FGFR2: variants seen among roughly 807,000 people sequenced by gnomAD.
The protein encoded by FGFR2 is fibroblast growth factor receptor 2.
Under a neutral mutation model 95.9 loss-of-function variants are expected in FGFR2, and 19 were observed. The ratio of observed to expected loss-of-function variants is 0.20; its 90% confidence interval spans 0.14 to 0.29. The LOEUF is 0.29. FGFR2 is among the 10% of genes least tolerant of loss of function. The pLI, the probability that FGFR2 is intolerant of heterozygous loss-of-function variation, is 1.00. For missense variants in FGFR2, 707 were observed against 1,056.9 expected, an observed-to-expected ratio of 0.67 and a Z score of 4.59; for synonymous variants, 392 against 393.3, an observed-to-expected ratio of 1.00 and a Z score of 0.04.
intron 4 of FGFR2, among the ~76,000 whole-genome samples, chr10:121,553,081 C>T (rs1271019256): frequency 3.3e-5 from 5 of 152,292 alleles, no homozygotes; most frequent in East Asian, 3.9e-4. Context: ...TTAGCCTTCA[C>T]GCTTGCTCTT....
intron 4 of FGFR2, among the ~76,000 whole-genome samples, chr10:121,562,315 C>CT (rs1857101248): frequency 1.3e-5 from 2 of 151,114 alleles, no homozygotes; most frequent in African/African-American, 4.9e-5. Flanking sequence ...GAGTCTCACT[C>CT]TGTCACCCAG....
rs1028883183 is a variant in FGFR2 at position 121,597,950 on chromosome 10, C to A, written c.-151+12G>T. 7.7e-6 allele frequency: 3 copies of A among 391,968 alleles called. No individual in the cohort carries two copies. The highest frequency in any genetic ancestry group is 2.1e-5 in the African/African-American group (1 of 48,498). 24.3% of individuals were successfully genotyped at this position (391,968 alleles called of 1,614,324 possible). ...TGGCGAAGCTCCCCGAGGCGTCTTG[C>A]GCGGCGATTACCTTGAATGGCAACG... On this transcript the variant is annotated intron_variant, in intron 1 of 17. Transcript: ENST00000358487.
chr10:121,551,130 G>C (rs1855337126), intron 5 of FGFR2, among the ~76,000 whole-genome samples, 160 bp downstream of exon 5: 1 of 152,060 alleles, frequency 6.6e-6, no homozygotes. Context: ...TGAGGCAGGA[G>C]AATCGCTTGA....
chr10:121,575,669 A>G (rs947188242), intron 2 of FGFR2, among the ~76,000 whole-genome samples: 1 of 151,600 alleles, frequency 6.6e-6, no homozygotes, highest in Non-Finnish European at 1.5e-5. Context: ...AGCCTGGCCA[A>G]CATGGTGAAA....
intron 2 of FGFR2, among the ~76,000 whole-genome samples, chr10:121,566,724 T>A (rs1042038652): frequency 1.3e-5 from 2 of 151,962 alleles, no homozygotes; most frequent in Admixed American, 6.6e-5. Context: ...CATGAATGCA[T>A]CCCATCTCCC....
At chr10:121,551,075 C>T (rs1006778185) in intron 5 of FGFR2, among the ~76,000 whole-genome samples, 43 of 152,122 alleles carry the variant, frequency 2.8e-4, no homozygotes, top group African/African-American at 9.2e-4. Flanking sequence ...AAAAAATTAG[C>T]GAGGCATGGT....
At chr10:121,571,358 G>A (rs1350111531) in intron 2 of FGFR2, among the ~76,000 whole-genome samples, 1 of 139,104 alleles carries the variant, frequency 7.2e-6, no homozygotes, top group Non-Finnish European at 1.5e-5. Flanking sequence ...GAGTGCAGTG[G>A]TGCGATCTCG....
In FGFR2 at chr10:121,520,019, T is replaced by C. The variant is rs755570604; in HGVS notation, c.899A>G (p.Lys300Arg). ...GTAGGGCAGCCCGTCGGGCCCGTAT[T>C]TACTGCCGTTCTTTTCCACGTGCTT... ...WIKHVEKNGS[K>R]YGPDGLPYLK... The change falls in exon 7 of 18, where the codon AAA becomes AGA. Residue 300 changes from lysine (K) to arginine (R), a missense_variant. Coordinates refer to ENST00000358487, the MANE Select transcript of FGFR2 (RefSeq NM_000141.5). 3.0e-5 allele frequency: 49 copies of C among 1,614,110 alleles called. No homozygotes were observed. The South Asian group carries it at 5.4e-4, about 18-fold the overall frequency.
intron 2 of FGFR2, among the ~76,000 whole-genome samples, chr10:121,583,835 C>T (rs1414676381): frequency 1.3e-5 from 2 of 151,912 alleles, no homozygotes; most frequent in Admixed American, 6.6e-5. Context: ...AGACCTGGGC[C>T]CACACTCACT....
At chr10:121,557,762 A>G (rs555084966) in intron 4 of FGFR2, among the ~76,000 whole-genome samples, 1 of 152,286 alleles carries the variant, frequency 6.6e-6, no homozygotes, top group South Asian at 2.1e-4. Flanking sequence ...CCAACTTAGG[A>G]TCTCTACCAA....
intron 17 of FGFR2, chr10:121,481,823 C>CTTTT (rs1844731179): frequency 6.2e-6 from 1 of 161,974 alleles, no homozygotes; most frequent in African/African-American, 3.8e-5. Context: ...TTCCCGGTTT[C>CTTTT]TTTCTTTTTT....
At chr10:121,577,279 G>C (rs901680955) in intron 2 of FGFR2, among the ~76,000 whole-genome samples, 1 of 139,506 alleles carries the variant, frequency 7.2e-6, no homozygotes, top group Non-Finnish European at 1.5e-5. Flanking sequence ...GCAAGTCCTC[G>C]GAGCAGGAAC....
Position 121,547,273 on chromosome 10 carries a change from G to T in FGFR2, c.624+4017C>A, listed in dbSNP as rs1306812361. 4.6e-5 allele frequency among the ~76,000 whole-genome samples: 7 copies of T among 152,274 alleles called. No homozygotes were observed. The East Asian group carries it at 1.3e-3, about 29-fold the overall frequency. ...AAAGTGGCAAATGGACAGGAGTCAG[G>T]AATGAATCAGTTAGATGTCAGGCCC... is the stretch of plus-strand genomic sequence containing the variant. On this transcript the variant is annotated intron_variant, in intron 5 of 17. Transcript: ENST00000358487.
intron 3 of FGFR2, among the ~76,000 whole-genome samples, 190 bp from the exon 4 acceptor site, chr10:121,564,769 G>C (rs888183834): frequency 6.6e-6 from 1 of 152,130 alleles, no homozygotes; most frequent in African/African-American, 2.4e-5. Context: ...GTTGGTCTAT[G>C]TTATGATTCT....
At chr10:121,519,511 G>A (rs144755429) in intron 7 of FGFR2, among the ~76,000 whole-genome samples, 3 of 151,956 alleles carry the variant, frequency 2.0e-5, no homozygotes, top group Non-Finnish European at 2.9e-5. Flanking sequence ...TTTCTAAAAC[G>A]TGGCTACTAA....
chr10:121,597,657 A>ACG (rs1388599603), intron 1 of FGFR2, among the ~76,000 whole-genome samples: 3 of 152,354 alleles, frequency 2.0e-5, no homozygotes, highest in Non-Finnish European at 4.4e-5. Context: ...GGTCGGAGAA[A>ACG]CGCGCCCAGT....
chr10:121,500,112 C>T (rs1448598592), intron 11 of FGFR2, among the ~76,000 whole-genome samples: 1 of 152,164 alleles, frequency 6.6e-6, no homozygotes, highest in East Asian at 1.9e-4. Flanking sequence ...GTGACAGTTC[C>T]CTATAACTCT....
chr10:121,545,504 T>G (rs1360907972), intron 5 of FGFR2, among the ~76,000 whole-genome samples: 2 of 152,206 alleles, frequency 1.3e-5, no homozygotes, highest in African/African-American at 4.8e-5. Context: ...GGGAGGCACC[T>G]GGTAAGTCAC....
intron 13 of FGFR2, among the ~76,000 whole-genome samples, chr10:121,489,980 C>T (rs897325988): frequency 3.9e-5 from 6 of 152,120 alleles, no homozygotes; most frequent in African/African-American, 9.7e-5. Context: ...GGCCAATGCC[C>T]GTCTATCCAC....
Sources: allele counts gnomAD v4.1 joint callset (sites outside exome capture counted in the v4.1 genomes callset), GRCh38; gene constraint gnomAD v4.1.1; transcripts MANE v1.5; gene names NCBI Gene and HGNC (gene_info 2026-07-23, HGNC 2026-07-21).